KAZN: variants seen among roughly 807,000 people sequenced by gnomAD.
KAZN encodes kazrin.
In KAZN, 40 loss-of-function variants were observed where a neutral mutation model predicts 87.4. That is an observed-to-expected ratio of 0.46 (90% CI 0.36 to 0.60). The LOEUF is 0.60. Among genes scored for constraint, KAZN ranks in the 20% least tolerant of loss-of-function variants. The pLI, the probability that KAZN is intolerant of heterozygous loss-of-function variation, is 0.00. For missense variants in KAZN, 898 were observed against 1,073.9 expected (o/e 0.84, Z 2.29); for synonymous variants, 466 against 458.3 (o/e 1.02, Z -0.22).
At chr1:15,102,385 C>A (rs1254805560) in intron 11 of KAZN, among the ~76,000 whole-genome samples, 1 of 152,120 alleles carries the variant, frequency 6.6e-6, no homozygotes, top group Non-Finnish European at 1.5e-5. Flanking sequence ...AGTAACCCAG[C>A]AGAGGCAACA....
intron 1 of KAZN, among the ~76,000 whole-genome samples, chr1:14,622,816 ACTTTGT>A (rs956562236): frequency 6.6e-6 from 1 of 152,146 alleles, no homozygotes; most frequent in Admixed American, 6.5e-5. Context: ...GGTGTCAAAA[ACTTTGT>A]CTTTGGAATC....
chr1:14,241,002 T>C (rs985833513), intron 2 of KAZN, among the ~76,000 whole-genome samples: 4 of 152,254 alleles, frequency 2.6e-5, no homozygotes, highest in African/African-American at 9.6e-5. Context: ...TTGTCTCATC[T>C]GTAAAGTGAG....
rs962564057 is a variant in KAZN at position 14,214,294 on chromosome 1, G to A, written c.249+33702G>A. Among the ~76,000 whole-genome samples, 11 of 152,146 alleles carry A rather than the reference G, an allele frequency of 7.2e-5. No homozygotes were observed. In the East Asian group the frequency reaches 1.5e-3, roughly 21 times the overall value. ...GATCACATACATGAATTTGCTTATC[G>A]GTTTGTTGTCTTTCTTTCCAAACTC... On this transcript the variant is annotated intron_variant, in intron 2 of 16. Coordinates refer to the KAZN transcript ENST00000636203.
At chr1:14,357,687 G>A (rs879238288) in intron 2 of KAZN, among the ~76,000 whole-genome samples, 4 of 152,136 alleles carry the variant, frequency 2.6e-5, no homozygotes, top group African/African-American at 9.7e-5. Flanking sequence ...TAATCATGTG[G>A]TTTTTGTCAT....
At chr1:13,936,095 A>ATTTTTTTTT (rs1557731876) in intron 1 of KAZN, among the ~76,000 whole-genome samples, 1 of 32,918 alleles carries the variant, frequency 3.0e-5, no homozygotes, top group Admixed American at 3.4e-4. Flanking sequence ...GTACAAGTGC[A>ATTTTTTTTT]GTTTTTTTTT....
intron 2 of KAZN, among the ~76,000 whole-genome samples, chr1:15,023,346 GGGTGTCCAGGGAAGAGGTTGCCGAGAAA>G (rs1670867496): frequency 1.3e-5 from 2 of 152,338 alleles, no homozygotes; most frequent in African/African-American, 2.4e-5. Flanking sequence ...GAACAGGGAA[GGGTGTCCAGGGAAGAGGTTGCCGAGAAA>G]GGCATGTTTG....
At chr1:14,544,090 G>A (rs958066092) in intron 2 of KAZN, among the ~76,000 whole-genome samples, 18 of 152,146 alleles carry the variant, frequency 1.2e-4, no homozygotes, top group Admixed American at 1.3e-4. Flanking sequence ...GGGGAAGGGA[G>A]TGCAAAACCT....
At chr1:14,561,771 G>T (rs1026982545) in intron 2 of KAZN, among the ~76,000 whole-genome samples, 2 of 152,080 alleles carry the variant, frequency 1.3e-5, no homozygotes, top group African/African-American at 2.4e-5. Flanking sequence ...GGGCGTGGTG[G>T]CGGGCACCTG....
chr1:14,266,579 A>C (rs1446459611), intron 2 of KAZN, among the ~76,000 whole-genome samples: 5 of 152,252 alleles, frequency 3.3e-5, no homozygotes, highest in Non-Finnish European at 5.9e-5. Flanking sequence ...AAGAAAGCTT[A>C]ATAAAAACAC....
intron 1 of KAZN, among the ~76,000 whole-genome samples, chr1:13,947,773 T>C (rs1056302924): frequency 6.6e-6 from 1 of 152,340 alleles, no homozygotes; most frequent in South Asian, 2.1e-4. Context: ...GTCTTCTCCC[T>C]GTATCTTCAC....
intron 2 of KAZN, among the ~76,000 whole-genome samples, chr1:14,299,817 C>T (rs1654406644): frequency 6.6e-6 from 1 of 152,158 alleles, no homozygotes; most frequent in Non-Finnish European, 1.5e-5. Context: ...AGTTCATTAG[C>T]CAAAGCAAGT....
At chr1:14,750,018 A>G (rs541850853) in intron 1 of KAZN, among the ~76,000 whole-genome samples, 1 of 152,218 alleles carries the variant, frequency 6.6e-6, no homozygotes, top group East Asian at 1.9e-4. Flanking sequence ...GACCAAAAAA[A>G]AGGTGGGGGG....
chr1:14,683,059 T>A (rs1409693111), intron 1 of KAZN, among the ~76,000 whole-genome samples: 1 of 152,202 alleles, frequency 6.6e-6, no homozygotes, highest in Non-Finnish European at 1.5e-5. Context: ...TAGTGCGAGT[T>A]CCCTATCAGA....
At chr1:14,539,307 C>T (rs139922280) in intron 2 of KAZN, among the ~76,000 whole-genome samples, 2 of 152,312 alleles carry the variant, frequency 1.3e-5, no homozygotes, top group East Asian at 1.9e-4. Context: ...AAGAAATATG[C>T]TTCAAATGAG....
At chr1:14,780,332 G>A (rs1007097826) in intron 1 of KAZN, among the ~76,000 whole-genome samples, 18 of 152,040 alleles carry the variant, frequency 1.2e-4, no homozygotes, top group African/African-American at 3.1e-4. Context: ...CATTCCTAGC[G>A]CATCTCTCTA....
chr1:13,978,848 C>T (rs2101068960), intron 1 of KAZN, among the ~76,000 whole-genome samples: 1 of 152,180 alleles, frequency 6.6e-6, no homozygotes, highest in East Asian at 1.9e-4. Context: ...TGCCTATAAG[C>T]CTAGCATTTT....
intron 2 of KAZN, among the ~76,000 whole-genome samples, chr1:14,417,011 TACAC>T (rs58667891): frequency 0.035 from 5,090 of 145,376 alleles, 228 homozygotes; most frequent in African/African-American, 0.1. Context: ...TATATATATG[TACAC>T]ACACACACAC....
intron 1 of KAZN, among the ~76,000 whole-genome samples, chr1:14,935,150 T>TA (rs1249679527): frequency 6.6e-6 from 1 of 152,250 alleles, no homozygotes; most frequent in Non-Finnish European, 1.5e-5. Context: ...GGACAGAGGC[T>TA]ACCCCTTGGG....
intron 1 of KAZN, among the ~76,000 whole-genome samples, chr1:14,711,705 G>T (rs1466428915): frequency 6.6e-6 from 1 of 152,222 alleles, no homozygotes; most frequent in African/African-American, 2.4e-5. Context: ...TCAACAGTCT[G>T]CAAGGAAGTG....
Sources: allele counts gnomAD v4.1 joint callset (sites outside exome capture counted in the v4.1 genomes callset), GRCh38; gene constraint gnomAD v4.1.1; transcripts MANE v1.5; gene names NCBI Gene and HGNC (gene_info 2026-07-23, HGNC 2026-07-21).